The following LPAR1 variants were observed in gnomAD, a reference collection of about 807,000 sequenced individuals.
LPAR1 encodes LPA receptor 1.
LPAR1 carries 5 observed loss-of-function variants against 23.8 expected under a neutral mutation model. That is an observed-to-expected ratio of 0.21 (90% CI 0.11 to 0.44). The LOEUF is 0.44. Ranked by LOEUF, LPAR1 falls within the 20% of genes least tolerant of loss-of-function variation. LPAR1 has a pLI of 0.99. For missense variants in LPAR1, 311 were observed against 482.8 expected (o/e 0.64, Z 3.33); for synonymous variants, 160 against 164.7 (o/e 0.97, Z 0.22).
chr9:110,966,216 C>T (rs1246254112), intron 4 of LPAR1, among the ~76,000 whole-genome samples: 1 of 152,072 alleles, frequency 6.6e-6, no homozygotes, highest in Non-Finnish European at 1.5e-5. Context: ...CATGCTGGCT[C>T]ACACCTGTAA....
At position 110,874,906 on chromosome 9, in the gene LPAR1, A is replaced by G. The variant is rs1270359650; in HGVS notation, c.*515T>C. On this transcript the variant is annotated 3_prime_UTR_variant, in exon 6 of 6. Coordinates refer to ENST00000683809, the MANE Select transcript of LPAR1 (RefSeq NM_001351411.2). ...TAAACAAAAGATAATTCCAACTTAC[A>G]GTTTTCCTATGTAAGGGAAAAAATG... The G allele has an allele frequency of 6.5e-6, 1 of 152,702 alleles. No individual in the cohort carries two copies. The highest frequency in any genetic ancestry group is 1.5e-5 in the Non-Finnish European group (1 of 68,112). 9.5% of individuals were successfully genotyped at this position (152,702 alleles called of 1,614,324 possible). A position where few individuals can be genotyped will look rare whatever the true frequency, so the allele number is the denominator to read the frequency against.
At chr9:110,981,262 G>C (rs1008919492) in intron 2 of LPAR1, among the ~76,000 whole-genome samples, 1 of 152,010 alleles carries the variant, frequency 6.6e-6, no homozygotes, top group Non-Finnish European at 1.5e-5. Flanking sequence ...GTGCTGCATA[G>C]TAGTTACAAG....
chr9:110,970,288 A>T lies in LPAR1; in HGVS notation c.45+1785T>A, dbSNP rs541420108. Among the ~76,000 whole-genome samples the T allele has an allele frequency of 2.5e-4, 38 of 152,330 alleles. No homozygotes were observed. In the South Asian group the frequency reaches 7.9e-3, roughly 32 times the overall value. ...CACGAAAGGACTAAGAAGAGTCATT[A>T]CATGGGAACAGCTGCAGTGGACTTT... On this transcript the variant is annotated intron_variant, in intron 4 of 5. Transcript: ENST00000683809.
chr9:110,940,970 T>G (rs2095060024), intron 5 of LPAR1, among the ~76,000 whole-genome samples: 1 of 152,230 alleles, frequency 6.6e-6, no homozygotes, highest in Admixed American at 6.5e-5. Context: ...ATATACTACC[T>G]ATAATGTAGC....
intron 4 of LPAR1, among the ~76,000 whole-genome samples, chr9:110,963,969 C>T (rs909479702): frequency 1.3e-5 from 2 of 152,222 alleles, no homozygotes; most frequent in Non-Finnish European, 2.9e-5. Flanking sequence ...ACGAAATTAT[C>T]GTGTGGCACT....
intron 3 of LPAR1, 39 bp from the exon 4 acceptor site, chr9:110,972,259 G>A: frequency 1.4e-6 from 1 of 732,196 alleles, no homozygotes; most frequent in Non-Finnish European, 2.4e-6. Context: ...AGCATAAAAG[G>A]ACTAGCATAT....
intron 4 of LPAR1, among the ~76,000 whole-genome samples, chr9:110,949,145 C>G (rs1200547569): frequency 6.6e-6 from 1 of 152,044 alleles, no homozygotes; most frequent in East Asian, 1.9e-4. Flanking sequence ...CCCCATGCTC[C>G]TCCCACTCAC....
At chr9:111,002,695 G>C (rs1056045472) in intron 2 of LPAR1, among the ~76,000 whole-genome samples, 2 of 152,122 alleles carry the variant, frequency 1.3e-5, no homozygotes, top group African/African-American at 2.4e-5. Flanking sequence ...TAAACCAAGG[G>C]ACCTAAAACT....
At chr9:111,008,252 C>T (rs1344742107) in intron 2 of LPAR1, among the ~76,000 whole-genome samples, 1 of 151,984 alleles carries the variant, frequency 6.6e-6, no homozygotes, top group Non-Finnish European at 1.5e-5. Context: ...ACACTATAGA[C>T]GTCTTTTCCC....
intron 2 of LPAR1, among the ~76,000 whole-genome samples, chr9:110,974,025 G>A (rs2096492226): frequency 6.6e-6 from 1 of 152,042 alleles, no homozygotes; most frequent in South Asian, 2.1e-4. Context: ...ATAAAAATTA[G>A]CTGGGCGTGG....
At chr9:110,949,631 C>T (rs1195273849) in intron 4 of LPAR1, among the ~76,000 whole-genome samples, 2 of 152,066 alleles carry the variant, frequency 1.3e-5, no homozygotes, top group African/African-American at 4.8e-5. Context: ...ATTTGGTTAC[C>T]CCATAAGAAG....
intron 4 of LPAR1, among the ~76,000 whole-genome samples, chr9:110,953,094 C>T (rs1485412630): frequency 6.6e-6 from 1 of 152,168 alleles, no homozygotes; most frequent in East Asian, 1.9e-4. Context: ...CACAGGGTTG[C>T]CCCATCACTA....
intron 4 of LPAR1, among the ~76,000 whole-genome samples, chr9:110,950,071 C>CATGT (rs1379582120): frequency 2.0e-5 from 3 of 151,442 alleles, no homozygotes; most frequent in African/African-American, 7.3e-5. Flanking sequence ...AGCTATCAAA[C>CATGT]ATGTACACTA....
intron 5 of LPAR1, among the ~76,000 whole-genome samples, chr9:110,890,229 T>G (rs1204485239): frequency 6.6e-6 from 1 of 152,116 alleles, no homozygotes; most frequent in Non-Finnish European, 1.5e-5. Flanking sequence ...ACTATGACAA[T>G]TGATGTAATA....
At chr9:110,921,708 C>T (rs747593766) in intron 5 of LPAR1, among the ~76,000 whole-genome samples, 13 of 152,178 alleles carry the variant, frequency 8.5e-5, no homozygotes, top group African/African-American at 3.1e-4. Flanking sequence ...TCTCAGCATA[C>T]AGGTGGTCTT....
At chr9:110,960,756 T>G (rs1433733665) in intron 4 of LPAR1, among the ~76,000 whole-genome samples, 2 of 152,150 alleles carry the variant, frequency 1.3e-5, no homozygotes, top group Admixed American at 1.3e-4. Context: ...AAGATCACCT[T>G]TTATATGTTG....
intron 5 of LPAR1, among the ~76,000 whole-genome samples, chr9:110,886,514 T>C (rs1183698810): frequency 6.6e-6 from 1 of 151,730 alleles, no homozygotes; most frequent in Non-Finnish European, 1.5e-5. Flanking sequence ...TATTTTAAAC[T>C]TGTAAAACTA....
At chr9:110,993,157 G>A (rs1036454502) in intron 2 of LPAR1, among the ~76,000 whole-genome samples, 3 of 151,734 alleles carry the variant, frequency 2.0e-5, no homozygotes, top group Non-Finnish European at 4.4e-5. Context: ...TAAGTTCTAG[G>A]GTACATGTGC....
intron 5 of LPAR1, among the ~76,000 whole-genome samples, chr9:110,904,194 G>C (rs2090409081): frequency 6.6e-6 from 1 of 152,100 alleles, no homozygotes; most frequent in African/African-American, 2.4e-5. Flanking sequence ...ATGGAAGATG[G>C]AATCATGGAG....
Sources: gnomAD v4.1 joint callset for allele counts (sites outside exome capture counted in the v4.1 genomes callset) on GRCh38, gnomAD v4.1.1 for gene constraint, MANE v1.5 for transcripts, NCBI Gene and HGNC (gene_info 2026-07-23, HGNC 2026-07-21) for gene names.